The following BTD variants were observed in gnomAD, a reference collection of about 807,000 sequenced individuals.
BTD encodes biotinidase.
Under a neutral mutation model 17.7 loss-of-function variants are expected in BTD, and 13 were observed. That is an observed-to-expected ratio of 0.74 (90% CI 0.48 to 1.17). The LOEUF (loss-of-function observed/expected upper bound fraction) is 1.17. BTD is among the 50% of genes most tolerant of loss of function. The pLI is 0.00. For synonymous variants in BTD, 240 were observed against 245.2 expected (o/e 0.98, Z 0.20); for missense variants, 674 against 650.4 (o/e 1.04, Z -0.39).
chr3:15,677,180 C>A, intron 3 of BTD: 1 of 768,326 alleles, frequency 1.3e-6, no homozygotes, highest in Non-Finnish European at 2.1e-6. Flanking sequence ...ATGAATTTTC[C>A]TGGCTAATAT....
downstream of BTD, among the ~76,000 whole-genome samples, chr3:15,716,598 T>C (rs2073086458): frequency 2.0e-5 from 3 of 151,982 alleles, no homozygotes; most frequent in Admixed American, 6.6e-5. Flanking sequence ...ATAGCCAATT[T>C]TTACAGACAT....
At chr3:15,605,842 G>A (rs2064433619) in intron 1 of BTD, among the ~76,000 whole-genome samples, 1 of 151,926 alleles carries the variant, frequency 6.6e-6, no homozygotes, top group African/African-American at 2.4e-5. Context: ...TCAGGAGTTC[G>A]AGGCCAGCCT....
At chr3:15,684,126 G>C (rs1256166947) in intron 3 of BTD, 1 of 152,158 alleles carries the variant, frequency 6.6e-6, no homozygotes, top group Admixed American at 6.5e-5. Flanking sequence ...CTTGAACTTT[G>C]ACAACACTGA....
At chr3:15,686,255 T>C in intron 3 of BTD, 1 of 1,593,906 alleles carries the variant, frequency 6.3e-7, no homozygotes, top group Non-Finnish European at 8.6e-7. Flanking sequence ...CACTGCATTC[T>C]GTGGTTCTGC....
chr3:15,601,460 G>T (rs774611253), upstream of BTD: 10 of 1,612,824 alleles, frequency 6.2e-6, no homozygotes, highest in Admixed American at 5.0e-5. Flanking sequence ...TTACTGTCCG[G>T]CATCTTCCAC....
intron 3 of BTD, chr3:15,678,121 C>T: frequency 3.1e-6 from 4 of 1,287,784 alleles, no homozygotes; most frequent in Non-Finnish European, 4.2e-6. Flanking sequence ...GGTAAGATAA[C>T]TAGTTGAAGT....
intron 3 of BTD, among the ~76,000 whole-genome samples, chr3:15,663,231 T>G (rs1343125800): frequency 6.6e-6 from 1 of 152,182 alleles, no homozygotes; most frequent in African/African-American, 2.4e-5. Context: ...TCACCTCAGG[T>G]GATCCGCCCG....
intron 3 of BTD, among the ~76,000 whole-genome samples, chr3:15,688,942 T>C (rs1348162628): frequency 6.6e-6 from 1 of 152,262 alleles, no homozygotes; most frequent in Non-Finnish European, 1.5e-5. Flanking sequence ...TGAAAGATTA[T>C]ACCAATCCAA....
intron 3 of BTD, among the ~76,000 whole-genome samples, chr3:15,679,724 C>CAGT (rs1341926203): frequency 6.6e-6 from 1 of 152,068 alleles, no homozygotes; most frequent in Admixed American, 6.5e-5. Context: ...GTTAAGCCAC[C>CAGT]AGTAGTTCCT....
Position 15,652,184 on chromosome 3 carries a change from G to A in BTD, c.*6696G>A, listed in dbSNP as rs539243503. Among the ~76,000 whole-genome samples, 4 of 152,128 alleles carry A rather than the reference G, an allele frequency of 2.6e-5. No individual in the cohort carries two copies. Among genetic ancestry groups the A allele is most frequent in the Admixed American group, 1.3e-4 (2 of 15,280 alleles). On this transcript the variant is annotated 3_prime_UTR_variant, in exon 4 of 4. Coordinates refer to ENST00000643237, the MANE Select transcript of BTD (RefSeq NM_001370658.1). ...TCTATTGAAAATACAAAAATTAGCCGGCATGGTGGCACACGCCTGTAGTCC... is the reference window on the plus strand; with the variant it reads ...TCTATTGAAAATACAAAAATTAGCCAGCATGGTGGCACACGCCTGTAGTCC...
At chr3:15,707,111 A>G (rs1314785019) in intron 3 of BTD, among the ~76,000 whole-genome samples, 1 of 152,232 alleles carries the variant, frequency 6.6e-6, no homozygotes, top group Admixed American at 6.5e-5. Flanking sequence ...ATTCTGTTAT[A>G]TGAAGTACAT....
At chr3:15,662,550 G>A (rs1458874559) in intron 3 of BTD, among the ~76,000 whole-genome samples, 1 of 152,130 alleles carries the variant, frequency 6.6e-6, no homozygotes, top group Non-Finnish European at 1.5e-5. Flanking sequence ...TTGTGAAAAT[G>A]TTTTACTTCT....
chr3:15,631,539 A>G (rs1304998605), intron 1 of BTD: 10 of 1,425,256 alleles, frequency 7.0e-6, no homozygotes, highest in Non-Finnish European at 9.5e-6. Flanking sequence ...AGTGATTGAC[A>G]TATTACCAAA....
Position 15,685,366 on chromosome 3 carries a change from C to T in BTD, c.400-24694C>T, listed in dbSNP as rs774955161. ...GGCAGCAGACAGGTGTATAGGCGTCCGGCCCCTGCTATCCCGAAGTAAGCA... is the reference window on the plus strand; with the variant it reads ...GGCAGCAGACAGGTGTATAGGCGTCTGGCCCCTGCTATCCCGAAGTAAGCA... On this transcript the variant is annotated intron_variant, in intron 3 of 3. Coordinates refer to the BTD transcript ENST00000672141. 1.7e-5 allele frequency: 27 copies of T among 1,613,864 alleles called. No individual in the cohort carries two copies. Among genetic ancestry groups the T allele is most frequent in the Admixed American group, 5.0e-5 (3 of 59,996 alleles).
chr3:15,659,014 A>G (rs1018025222), intron 3 of BTD, among the ~76,000 whole-genome samples: 2 of 152,122 alleles, frequency 1.3e-5, no homozygotes, highest in African/African-American at 2.4e-5. Context: ...ATCTGTCCCC[A>G]TGTCCAGTTC....
At chr3:15,707,536 C>T (rs1382012828) in intron 3 of BTD, among the ~76,000 whole-genome samples, 1 of 152,168 alleles carries the variant, frequency 6.6e-6, no homozygotes, top group Non-Finnish European at 1.5e-5. Context: ...TACTTGTATT[C>T]CAACCTCTAC....
intron 3 of BTD, chr3:15,690,194 C>T (rs2068616296): frequency 6.2e-7 from 1 of 1,604,612 alleles, no homozygotes. Context: ...CCAACACTTC[C>T]AGTGCTTGAT....
intron 1 of BTD, among the ~76,000 whole-genome samples, chr3:15,613,017 A>C (rs1265854952): frequency 6.6e-6 from 1 of 152,004 alleles, no homozygotes. Flanking sequence ...ATCTTGGAGC[A>C]CCCCAGTTCT....
chr3:15,680,672 A>G (rs573997749), intron 3 of BTD, among the ~76,000 whole-genome samples: 3 of 151,818 alleles, frequency 2.0e-5, no homozygotes, highest in South Asian at 4.2e-4. Flanking sequence ...TATTTTATTA[A>G]AACAATTTTT....
Sources: allele counts gnomAD v4.1 joint callset (sites outside exome capture counted in the v4.1 genomes callset), GRCh38; gene constraint gnomAD v4.1.1; transcripts MANE v1.5; gene names NCBI Gene and HGNC (gene_info 2026-07-23, HGNC 2026-07-21).